The following ZNF804A variants were observed in gnomAD, a reference collection of about 807,000 sequenced individuals.
ZNF804A encodes the protein zinc finger protein 804A.
In ZNF804A, 2 loss-of-function variants were observed where a neutral mutation model predicts 16.5. That is an observed-to-expected ratio of 0.12 (90% CI 0.05 to 0.38). The LOEUF is 0.38. Ranked by LOEUF, ZNF804A falls within the 10% of genes least tolerant of loss-of-function variation. The pLI, the probability that ZNF804A is intolerant of heterozygous loss-of-function variation, is 0.99. For missense variants in ZNF804A, 1,473 were observed against 1,390.7 expected (o/e 1.06, Z -0.94); for synonymous variants, 534 against 489.6 (o/e 1.09, Z -1.20).
intron 2 of ZNF804A, among the ~76,000 whole-genome samples, chr2:184,931,566 C>T (rs1685702693): frequency 6.6e-6 from 1 of 152,168 alleles, no homozygotes; most frequent in African/African-American, 2.4e-5. Flanking sequence ...CACAAAGTGG[C>T]AAGGCTCTGG....
chr2:184,747,360 TAAAC>T (rs1693806067), intron 1 of ZNF804A, among the ~76,000 whole-genome samples: 1 of 120,606 alleles, frequency 8.3e-6, no homozygotes, highest in Non-Finnish European at 1.8e-5. Flanking sequence ...TTGAAATAAA[TAAAC>T]AACTTGTAAA....
intron 1 of ZNF804A, among the ~76,000 whole-genome samples, chr2:184,782,266 A>C (rs1235087885): frequency 1.3e-5 from 2 of 151,576 alleles, no homozygotes; most frequent in East Asian, 2.0e-4. Flanking sequence ...CTGAGTGTCA[A>C]CTTGATTGGA....
intron 1 of ZNF804A, among the ~76,000 whole-genome samples, chr2:184,652,190 A>G (rs1052558808): frequency 6.6e-6 from 1 of 152,138 alleles, no homozygotes; most frequent in Non-Finnish European, 1.5e-5. Flanking sequence ...GAAGGTAGAG[A>G]AAACCAAACA....
intron 1 of ZNF804A, among the ~76,000 whole-genome samples, chr2:184,756,391 G>A (rs183384272): frequency 1.6e-4 from 24 of 151,892 alleles, no homozygotes; most frequent in South Asian, 6.2e-4. Flanking sequence ...TTAAATTTGC[G>A]TAAATTTTAT....
intron 1 of ZNF804A, among the ~76,000 whole-genome samples, chr2:184,614,798 CT>C (rs1382047957): frequency 6.6e-6 from 1 of 152,166 alleles, no homozygotes; most frequent in East Asian, 1.9e-4. Flanking sequence ...CTCATTATCA[CT>C]GGTCATTAGA....
intron 1 of ZNF804A, among the ~76,000 whole-genome samples, chr2:184,864,175 A>C (rs1390909561): frequency 3.3e-5 from 5 of 152,154 alleles, no homozygotes; most frequent in Non-Finnish European, 5.9e-5. Flanking sequence ...TGAGGGCCTC[A>C]GGCTGCTTCC....
intron 1 of ZNF804A, among the ~76,000 whole-genome samples, chr2:184,823,525 A>T (rs902897162): frequency 6.6e-6 from 1 of 152,136 alleles, no homozygotes; most frequent in Non-Finnish European, 1.5e-5. Flanking sequence ...AACCAAAGGG[A>T]TGACATTAGT....
chr2:184,717,449 T>C (rs1208649657), intron 1 of ZNF804A, among the ~76,000 whole-genome samples: 1 of 152,160 alleles, frequency 6.6e-6, no homozygotes. Flanking sequence ...CTTTACCCAG[T>C]TTTCAAATTC....
intron 1 of ZNF804A, among the ~76,000 whole-genome samples, chr2:184,827,373 T>A (rs1695182495): frequency 6.7e-6 from 1 of 148,942 alleles, no homozygotes; most frequent in South Asian, 2.1e-4. Flanking sequence ...GTACAATTTA[T>A]AAATAATAAC....
At chr2:184,700,553 T>C (rs1353286353) in intron 1 of ZNF804A, among the ~76,000 whole-genome samples, 4 of 152,026 alleles carry the variant, frequency 2.6e-5, no homozygotes, top group Admixed American at 2.6e-4. Context: ...AATAAAAAAA[T>C]GACTTATGAA....
At chr2:184,933,363 A>G (rs1365443354) in intron 2 of ZNF804A, among the ~76,000 whole-genome samples, 1 of 152,190 alleles carries the variant, frequency 6.6e-6, no homozygotes, top group Non-Finnish European at 1.5e-5. Flanking sequence ...AAAGTTTTCA[A>G]TTAAAATTTG....
chr2:184,937,636 A>G lies in ZNF804A; in HGVS notation c.2240A>G (p.His747Arg), dbSNP rs12477430. 0.7 allele frequency: 1,135,911 copies of G among 1,613,410 alleles called. 401,719 individuals are homozygous for G. Among genetic ancestry groups the G allele is most frequent in the East Asian group, 0.89 (39,734 of 44,832 alleles). Residue 747 changes from histidine to arginine, a missense_variant, in exon 4 of 4, where the codon CAC becomes CGC. Coordinates refer to ENST00000302277, the MANE Select transcript of ZNF804A (RefSeq NM_194250.2). ...TTAGTTCTTCAAAATGATATGAAAC[A>G]CATGAGTCAGAATCAGGCTGTTAAA... is the stretch of plus-strand genomic sequence containing the variant. ...RSLVLQNDMK[H>R]MSQNQAVKRG... is the part of the protein sequence containing the mutation.
At chr2:184,857,549 G>A (rs1695717978) in intron 1 of ZNF804A, among the ~76,000 whole-genome samples, 1 of 152,014 alleles carries the variant, frequency 6.6e-6, no homozygotes, top group Non-Finnish European at 1.5e-5. Flanking sequence ...CTGTCTGAAT[G>A]AACTGTCCAT....
intron 1 of ZNF804A, among the ~76,000 whole-genome samples, chr2:184,639,063 C>T (rs907209129): frequency 6.7e-6 from 1 of 149,794 alleles, no homozygotes; most frequent in Non-Finnish European, 1.5e-5. Flanking sequence ...CTAGGAAGCC[C>T]CCTCCTTTTT....
In ZNF804A at chr2:184,936,750, T is replaced by G. The variant is rs989113563; in HGVS notation, c.1354T>G (p.Ser452Ala). The part of the protein sequence containing the change: ...EMLVYTTTKP[S>A]ISYSCNPLCF... ...GCTGGTTTATACAACTACGAAACCA[T>G]CAATTTCCTATAGCTGTAATCCTCT... Residue 452 changes from serine to alanine, a missense_variant, in exon 4 of 4, where the codon TCA becomes GCA. Transcript: ENST00000302277. The G allele has an allele frequency of 8.1e-6, 13 of 1,613,730 alleles. No individual in the cohort carries two copies. Among genetic ancestry groups the G allele is most frequent in the African/African-American group, 2.7e-5 (2 of 74,898 alleles).
rs1685835320 is a variant in ZNF804A at position 184,938,519 on chromosome 2, T to G, written c.3123T>G (p.His1041Gln). The change falls in exon 4 of 4, where the codon CAT becomes CAG. Residue 1041 changes from histidine (H) to glutamine (Q), a missense_variant. Physicochemically the swap from His to Gln is conservative, Grantham distance 24 (BLOSUM62 0). Transcript: ENST00000302277. ...CATTATTGATCCCACTAGAAAACCA[T>G]GACAAATTCAAAAATGTACCATGTG... is the stretch of plus-strand genomic sequence containing the variant. ...EQALLIPLEN[H>Q]DKFKNVPCEV... is the part of the protein sequence containing the mutation. 3 of 1,613,892 alleles carry G rather than the reference T, an allele frequency of 1.9e-6. No homozygotes were observed. Among genetic ancestry groups the G allele is most frequent in the African/African-American group, 2.7e-5 (2 of 74,896 alleles).
At chr2:184,615,155 G>C (rs1006090510) in intron 1 of ZNF804A, among the ~76,000 whole-genome samples, 3 of 152,162 alleles carry the variant, frequency 2.0e-5, no homozygotes, top group Admixed American at 1.3e-4. Flanking sequence ...ATCAATGATA[G>C]ACTGGATAAA....
intron 1 of ZNF804A, among the ~76,000 whole-genome samples, chr2:184,782,741 A>T (rs892477537): frequency 2.0e-5 from 3 of 148,470 alleles, no homozygotes; most frequent in Admixed American, 1.4e-4. Context: ...CTAGAGAAGG[A>T]TGACTAATAC....
At position 184,935,859 on chromosome 2, in the gene ZNF804A, G is replaced by C; in HGVS notation, c.463G>C (p.Val155Leu). 1.2e-6 allele frequency: 2 copies of C among 1,613,720 alleles called. No homozygotes were observed. Among genetic ancestry groups the C allele is most frequent in the South Asian group, 2.2e-5 (2 of 91,058 alleles). The change falls in exon 4 of 4, where the codon GTT becomes CTT. Residue 155 changes from valine (V) to leucine (L), a missense_variant. Val to Leu is a conservative substitution (Grantham distance 32). Coordinates refer to ENST00000302277, the MANE Select transcript of ZNF804A (RefSeq NM_194250.2). ...RENCNEISQR[V>L]VVDSVNNQQD... The stretch of plus-strand genomic sequence containing the variant: ...AAACTGTAATGAAATTTCCCAACGA[G>C]TTGTTGTGGATTCAGTTAATAACCA...
Sources: gnomAD v4.1 joint callset for allele counts (sites outside exome capture counted in the v4.1 genomes callset) on GRCh38, gnomAD v4.1.1 for gene constraint, MANE v1.5 for transcripts, NCBI Gene and HGNC (gene_info 2026-07-23, HGNC 2026-07-21) for gene names.